The following ATAD1 variants were observed in gnomAD, a reference collection of about 807,000 sequenced individuals.
ATAD1 encodes ATPase family AAA domain containing 1.
Under a neutral mutation model 42.7 loss-of-function variants are expected in ATAD1, and 18 were observed. That is an observed-to-expected ratio of 0.42 (90% CI 0.29 to 0.63). ATAD1 has a LOEUF of 0.63. Ranked by LOEUF, ATAD1 falls within the 20% of genes least tolerant of loss-of-function variation. The pLI, the probability that ATAD1 is intolerant of heterozygous loss-of-function variation, is 0.19. For missense variants in ATAD1, 294 were observed against 440.4 expected (o/e 0.67, Z 2.98); for synonymous variants, 132 against 143.1 (o/e 0.92, Z 0.55).
chr10:87,781,638 A>G (rs1479071449), intron 5 of ATAD1, among the ~76,000 whole-genome samples: 1 of 135,812 alleles, frequency 7.4e-6, no homozygotes, highest in Non-Finnish European at 1.6e-5. Context: ...AAAATGGAAG[A>G]GATGAAGAAT....
In ATAD1 at chr10:87,751,797, T is replaced by C. The variant is rs1854032125; in HGVS notation, c.*2890A>G. 6.6e-6 allele frequency: 1 copy of C among 152,184 alleles called. No homozygotes were observed. Among genetic ancestry groups the C allele is most frequent in the Non-Finnish European group, 1.5e-5 (1 of 68,036 alleles). The allele number at this position is 152,184 out of a possible 1,614,324, so 9.4% of individuals were successfully genotyped here. A position where few individuals can be genotyped will look rare whatever the true frequency, so the allele number is the denominator to read the frequency against. On this transcript the variant is annotated 3_prime_UTR_variant, in exon 10 of 10. Transcript: ENST00000680024. ...CCATGCACTATATATATTCAGCATATCAGAATTCTGTTCAATATTCTGATT... is the reference window on the plus strand; with the variant it reads ...CCATGCACTATATATATTCAGCATACCAGAATTCTGTTCAATATTCTGATT...
chr10:87,839,989 T>A (rs2132123022), intron 1 of ATAD1, among the ~76,000 whole-genome samples: 1 of 152,338 alleles, frequency 6.6e-6, no homozygotes, highest in East Asian at 1.9e-4. Flanking sequence ...GAATTAACTC[T>A]GTTTGAGTCA....
chr10:87,776,198 T>TA (rs1180135873), intron 6 of ATAD1, 123 bp downstream of exon 6: 1 of 676,430 alleles, frequency 1.5e-6, no homozygotes, highest in African/African-American at 1.8e-5. Context: ...CCTTATCACT[T>TA]AGTCATAAGT....
chr10:87,793,220 G>T (rs117726160), intron 2 of ATAD1, among the ~76,000 whole-genome samples: 1 of 152,092 alleles, frequency 6.6e-6, no homozygotes, highest in Non-Finnish European at 1.5e-5. Flanking sequence ...ATTAATCCAG[G>T]TATCTACAAT....
At chr10:87,837,267 A>G (rs1589581108) in intron 1 of ATAD1, among the ~76,000 whole-genome samples, 1 of 152,218 alleles carries the variant, frequency 6.6e-6, no homozygotes, top group Non-Finnish European at 1.5e-5. Flanking sequence ...TTTAAATCAT[A>G]TGGAGAATAC....
intron 1 of ATAD1, among the ~76,000 whole-genome samples, chr10:87,839,098 A>G (rs1857982999): frequency 6.6e-6 from 1 of 152,252 alleles, no homozygotes; most frequent in Non-Finnish European, 1.5e-5. Flanking sequence ...CTAGACAGAA[A>G]TAGAAACAAA....
chr10:87,834,551 T>A (rs1258627764), intron 1 of ATAD1, among the ~76,000 whole-genome samples: 1 of 152,204 alleles, frequency 6.6e-6, no homozygotes, highest in East Asian at 1.9e-4. Flanking sequence ...ACATAGGTTG[T>A]CATATTTATG....
chr10:87,831,078 G>A (rs1324108191), intron 1 of ATAD1, among the ~76,000 whole-genome samples: 1 of 152,148 alleles, frequency 6.6e-6, no homozygotes, highest in Non-Finnish European at 1.5e-5. Flanking sequence ...TAACCTCTCT[G>A]AGCCTTGGTT....
rs1856779058 is a variant in ATAD1 at position 87,803,113 on chromosome 10, A to G, written c.163-10358T>C. On this transcript the variant is annotated intron_variant, in intron 2 of 9. Transcript: ENST00000680024. ...ACTTCAGGTAATGTGGCCTATATAA[A>G]TTTTCCAGGATTTGTTTTTTGTTTT... Among the ~76,000 whole-genome samples, 6 of 152,094 alleles carry G rather than the reference A, an allele frequency of 3.9e-5. No individual in the cohort carries two copies. In the South Asian group the frequency reaches 1.2e-3, roughly 31 times the overall value.
At chr10:87,799,480 T>C (rs1856575410) in intron 2 of ATAD1, among the ~76,000 whole-genome samples, 1 of 152,204 alleles carries the variant, frequency 6.6e-6, no homozygotes, top group Non-Finnish European at 1.5e-5. Flanking sequence ...AGCTAAACTA[T>C]AAACCAAGTT....
intron 6 of ATAD1, among the ~76,000 whole-genome samples, chr10:87,773,263 T>G (rs2131826279): frequency 6.6e-6 from 1 of 152,342 alleles, no homozygotes; most frequent in Admixed American, 6.5e-5. Context: ...ACTTCATCAA[T>G]GAATACCCTA....
intron 6 of ATAD1, among the ~76,000 whole-genome samples, chr10:87,772,003 T>C (rs1446343935): frequency 1.3e-5 from 2 of 152,132 alleles, no homozygotes; most frequent in Non-Finnish European, 2.9e-5. Context: ...ATCCTACTTC[T>C]ACTCTACACT....
intron 6 of ATAD1, among the ~76,000 whole-genome samples, chr10:87,775,420 C>CA (rs35200026): frequency 0.26 from 6,101 of 23,804 alleles, 975 homozygotes; most frequent in Non-Finnish European, 0.33. Flanking sequence ...GACTCCATCT[C>CA]AAAAAAAAAA....
intron 1 of ATAD1, among the ~76,000 whole-genome samples, chr10:87,830,392 G>A (rs1294114725): frequency 3.9e-5 from 6 of 152,170 alleles, no homozygotes; most frequent in Non-Finnish European, 8.8e-5. Flanking sequence ...TGCCAATGGA[G>A]GTTTTACCTA....
chr10:87,835,500 A>G (rs1288189101), intron 1 of ATAD1, among the ~76,000 whole-genome samples: 2 of 152,146 alleles, frequency 1.3e-5, no homozygotes, highest in African/African-American at 4.8e-5. Flanking sequence ...TAGTGTTCAC[A>G]TGGCATATAT....
intron 6 of ATAD1, among the ~76,000 whole-genome samples, chr10:87,773,256 T>C (rs957554976): frequency 6.6e-6 from 1 of 152,222 alleles, no homozygotes; most frequent in Non-Finnish European, 1.5e-5. Flanking sequence ...AACTTTAACT[T>C]CATCAATGAA....
intron 2 of ATAD1, among the ~76,000 whole-genome samples, chr10:87,797,219 AT>A (rs1856435776): frequency 6.6e-6 from 1 of 152,230 alleles, no homozygotes; most frequent in African/African-American, 2.4e-5. Flanking sequence ...CTCCCATCAG[AT>A]TTGACAAACT....
At chr10:87,809,542 A>T (rs1456641006) in intron 2 of ATAD1, among the ~76,000 whole-genome samples, 1 of 151,870 alleles carries the variant, frequency 6.6e-6, no homozygotes, top group Non-Finnish European at 1.5e-5. Context: ...AAAAAAAAAA[A>T]AATCTGCTTA....
intron 8 of ATAD1, among the ~76,000 whole-genome samples, chr10:87,758,051 A>C (rs1334130747): frequency 6.6e-6 from 1 of 152,228 alleles, no homozygotes; most frequent in Non-Finnish European, 1.5e-5. Flanking sequence ...AATCTAAATA[A>C]ACTTTAGCTA....
Sources: allele counts gnomAD v4.1 joint callset (sites outside exome capture counted in the v4.1 genomes callset), GRCh38; gene constraint gnomAD v4.1.1; transcripts MANE v1.5; gene names NCBI Gene and HGNC (gene_info 2026-07-23, HGNC 2026-07-21).